CFAP20DC: variants seen among roughly 807,000 people sequenced by gnomAD.
CFAP20DC encodes the protein CFAP20 domain containing.
A neutral mutation model predicts 101.7 loss-of-function variants in CFAP20DC; 84 were observed. The observed-to-expected ratio is 0.83, with a 90% CI of 0.69 to 0.99. The LOEUF is 0.99. Among genes scored for constraint, CFAP20DC ranks in the 50% least tolerant of loss-of-function variants. CFAP20DC has a pLI of 0.00. For synonymous variants in CFAP20DC, 359 were observed against 351.2 expected (o/e 1.02, Z -0.25); for missense variants, 1,007 against 970.3 (o/e 1.04, Z -0.50).
intron 12 of CFAP20DC, among the ~76,000 whole-genome samples, chr3:58,856,324 G>C (rs2078823724): frequency 7.1e-6 from 1 of 140,182 alleles, no homozygotes; most frequent in Non-Finnish European, 1.6e-5. Context: ...ATAACTGATG[G>C]AGATACTTAT....
intron 13 of CFAP20DC, among the ~76,000 whole-genome samples, chr3:58,842,021 T>G (rs2077153322): frequency 6.6e-6 from 1 of 152,240 alleles, no homozygotes; most frequent in East Asian, 1.9e-4. Context: ...TTGTACTTCT[T>G]TCCTAATTAA....
At chr3:58,808,127 T>C (rs1391971888) in intron 14 of CFAP20DC, among the ~76,000 whole-genome samples, 1 of 152,214 alleles carries the variant, frequency 6.6e-6, no homozygotes, top group Non-Finnish European at 1.5e-5. Context: ...GGAACCAAGT[T>C]GGAAAACACT....
At chr3:58,821,935 C>G (rs1184943133) in intron 14 of CFAP20DC, among the ~76,000 whole-genome samples, 4 of 139,238 alleles carry the variant, frequency 2.9e-5, no homozygotes, top group Admixed American at 1.4e-4. Context: ...GAAAATGTGG[C>G]ACATATACAC....
chr3:58,824,069 AC>A (rs1166902127), intron 14 of CFAP20DC, among the ~76,000 whole-genome samples: 2 of 152,178 alleles, frequency 1.3e-5, no homozygotes, highest in Non-Finnish European at 2.9e-5. Context: ...TGTCACTATT[AC>A]ACTGACTCTA....
At position 59,049,738 on chromosome 3, in the gene CFAP20DC, G is replaced by A; in HGVS notation, c.-107C>T. ...CTGGCGGGAACCCAGGAGCCCGACG[G>A]GTGGGAAAGGGCTTCGTGCTTGGCC... On this transcript the variant is annotated 5_prime_UTR_variant, in exon 1 of 17. Coordinates refer to ENST00000482387, the MANE Select transcript of CFAP20DC (RefSeq NM_001394063.1). 7.4e-7 allele frequency: 1 copy of A among 1,348,154 alleles called. No homozygotes were observed. Among genetic ancestry groups the A allele is most frequent in the Non-Finnish European group, 1.0e-6 (1 of 995,018 alleles). 83.5% of individuals were successfully genotyped at this position (1,348,154 alleles called of 1,614,324 possible).
intron 4 of CFAP20DC, among the ~76,000 whole-genome samples, chr3:58,957,419 C>T (rs772278061): frequency 2.6e-5 from 4 of 152,150 alleles, no homozygotes; most frequent in Admixed American, 2.0e-4. Context: ...TAAATTAGTA[C>T]AGCCACTATG....
rs2079842501 is a variant in CFAP20DC at position 58,868,074 on chromosome 3, C to A, written c.1016-138G>T. On this transcript the variant is annotated intron_variant, in intron 9 of 16. Coordinates refer to ENST00000482387, the MANE Select transcript of CFAP20DC (RefSeq NM_001394063.1). The surrounding 1 kb of genome is among the most constrained non-coding windows in gnomAD (Gnocchi z 4.6). ...ATAATGTGAAGATACATCAAAAATACAACTTCATAGAAAATAGGCATTTAT... is the reference window on the plus strand; with the variant it reads ...ATAATGTGAAGATACATCAAAAATAAAACTTCATAGAAAATAGGCATTTAT... The A allele has an allele frequency of 6.8e-6, 7 of 1,025,560 alleles. No individual in the cohort carries two copies. Among genetic ancestry groups the A allele is most frequent in the Non-Finnish European group, 8.1e-6 (6 of 740,136 alleles). The allele number at this position is 1,025,560 out of a possible 1,614,324, so 63.5% of individuals were successfully genotyped here.
At chr3:58,811,839 G>C (rs538877857) in intron 14 of CFAP20DC, among the ~76,000 whole-genome samples, 7 of 150,360 alleles carry the variant, frequency 4.7e-5, no homozygotes, top group Non-Finnish European at 8.9e-5. Context: ...AATCTACAAT[G>C]AGCCCAAACA....
At chr3:58,992,578 A>G in intron 4 of CFAP20DC, 2 of 984,596 alleles carry the variant, frequency 2.0e-6, no homozygotes, top group East Asian at 1.1e-4. Flanking sequence ...AGATCTTCAT[A>G]TCTCTTGGGA....
chr3:58,768,239 G>A (rs146237981), intron 15 of CFAP20DC, among the ~76,000 whole-genome samples: 2,037 of 152,300 alleles, frequency 0.013, 38 homozygotes, highest in African/African-American at 0.045. Flanking sequence ...GAAGATGGGA[G>A]CTAAACAAAG....
chr3:58,764,307 G>C (rs2107420255), intron 15 of CFAP20DC, among the ~76,000 whole-genome samples: 1 of 152,286 alleles, frequency 6.6e-6, no homozygotes, highest in East Asian at 1.9e-4. Context: ...CAATAAGCGA[G>C]GCTCCGTTGG....
At chr3:58,941,808 G>A (rs535411144) in intron 4 of CFAP20DC, among the ~76,000 whole-genome samples, 37 of 152,108 alleles carry the variant, frequency 2.4e-4, no homozygotes, top group Non-Finnish European at 4.4e-4. Flanking sequence ...CGCCCGCCTC[G>A]GCCTCCCAAA....
At chr3:58,842,067 A>G (rs2077157369) in intron 13 of CFAP20DC, among the ~76,000 whole-genome samples, 1 of 152,250 alleles carries the variant, frequency 6.6e-6, no homozygotes, top group Admixed American at 6.5e-5. Context: ...ACTCTATTAA[A>G]GTATGAATAA....
intron 15 of CFAP20DC, among the ~76,000 whole-genome samples, chr3:58,782,131 T>G (rs1175960507): frequency 6.6e-6 from 1 of 152,062 alleles, no homozygotes; most frequent in Non-Finnish European, 1.5e-5. Context: ...TGCAAATCAG[T>G]AAATGTGATA....
In CFAP20DC at chr3:58,971,224, G is replaced by A. The variant is rs1189196825; in HGVS notation, c.279-33462C>T. On this transcript the variant is annotated intron_variant, in intron 4 of 16. Coordinates refer to ENST00000482387, the MANE Select transcript of CFAP20DC (RefSeq NM_001394063.1). The surrounding 1 kb of genome is among the most constrained non-coding windows in gnomAD (Gnocchi z 4.1). ...TACCATAAAGAAGATATTTGGCACT[G>A]AAAGTACGTTTTTCACAAATCACAA... Among the ~76,000 whole-genome samples, 1 of 152,132 alleles carries A rather than the reference G, an allele frequency of 6.6e-6. No individual in the cohort carries two copies. Among genetic ancestry groups the A allele is most frequent in the Non-Finnish European group, 1.5e-5 (1 of 68,020 alleles).
At chr3:58,779,365 A>G (rs944137899) in intron 15 of CFAP20DC, among the ~76,000 whole-genome samples, 1 of 152,216 alleles carries the variant, frequency 6.6e-6, no homozygotes, top group Non-Finnish European at 1.5e-5. Context: ...AGGAGTAACT[A>G]TGCTTATATC....
chr3:58,906,544 CAT>C (rs1348424263), intron 6 of CFAP20DC, among the ~76,000 whole-genome samples: 1 of 152,176 alleles, frequency 6.6e-6, no homozygotes, highest in Non-Finnish European at 1.5e-5. Context: ...TGGCTTTATA[CAT>C]ATATGCCCTT....
intron 3 of CFAP20DC, among the ~76,000 whole-genome samples, chr3:58,733,694 C>T (rs541674128): frequency 6.8e-4 from 104 of 152,266 alleles, no homozygotes; most frequent in African/African-American, 2.3e-3. Flanking sequence ...CGAAATATTA[C>T]AAATACTAAA....
intron 5 of CFAP20DC, among the ~76,000 whole-genome samples, chr3:58,922,680 G>A (rs2085518135): frequency 6.6e-6 from 1 of 152,092 alleles, no homozygotes; most frequent in Non-Finnish European, 1.5e-5. Context: ...AGATGCCAGT[G>A]CCATACTTCT....
Sources: allele counts gnomAD v4.1 joint callset (sites outside exome capture counted in the v4.1 genomes callset), GRCh38; gene constraint gnomAD v4.1.1; non-coding constraint Gnocchi (gnomAD v3.1); transcripts MANE v1.5; gene names NCBI Gene and HGNC (gene_info 2026-07-23, HGNC 2026-07-21).